ROPN1B: variants seen among roughly 807,000 people sequenced by gnomAD.
The protein encoded by ROPN1B is ropporin-1B.
Under a neutral mutation model 23.7 loss-of-function variants are expected in ROPN1B, and 13 were observed. The ratio of observed to expected loss-of-function variants is 0.55; its 90% CI spans 0.36 to 0.87. The LOEUF is 0.87. Among genes scored for constraint, ROPN1B ranks in the 40% least tolerant of loss-of-function variants. The pLI, the probability that ROPN1B is intolerant of heterozygous loss-of-function variation, is 0.01. For synonymous variants in ROPN1B, 67 were observed against 100.4 expected (o/e 0.67, Z 1.99); for missense variants, 183 against 249.2 (o/e 0.73, Z 1.79).
chr3:125,973,985 G>T (rs2107600598), intron 3 of ROPN1B: 1 of 153,738 alleles, frequency 6.5e-6, no homozygotes, highest in African/African-American at 2.4e-5. Context: ...ACTCAAATTT[G>T]CAATATATGT....
At chr3:125,976,316 T>C (rs549192273) in intron 4 of ROPN1B, among the ~76,000 whole-genome samples, 1 of 152,350 alleles carries the variant, frequency 6.6e-6, no homozygotes, top group African/African-American at 2.4e-5. Flanking sequence ...AGCATTTCAC[T>C]AGAATCAGAC....
intron 1 of ROPN1B, among the ~76,000 whole-genome samples, chr3:125,970,363 C>A (rs1013262342): frequency 3.3e-5 from 5 of 152,142 alleles, no homozygotes; most frequent in Non-Finnish European, 7.4e-5. Flanking sequence ...TCATAGAAAC[C>A]CTCTGAGATT....
At position 125,972,077 on chromosome 3, in the gene ROPN1B, C is replaced by T. The variant is rs762894825; in HGVS notation, c.23C>T (p.Thr8Ile). The change falls in exon 3 of 7, where the codon ACA becomes ATA. Residue 8 changes from threonine (T) to isoleucine (I), a missense_variant. Physicochemically the swap from Thr to Ile is moderately conservative, Grantham distance 89. This residue lies in a region of ROPN1B where 97 missense variants were observed against 99.6 expected (regional missense o/e 0.97). Transcript: ENST00000514116. The stretch of plus-strand genomic sequence containing the variant: ...TCAATGGCTCAGACAGATAAGCCAA[C>T]ATGCATCCCGCCGGAGCTGCCGAAA... The part of the protein sequence containing the change: MAQTDKP[T>I]CIPPELPKML... 1 of 1,614,226 alleles carries T rather than the reference C, an allele frequency of 6.2e-7. No individual in the cohort carries two copies. The highest frequency in any genetic ancestry group is 8.5e-7 in the Non-Finnish European group (1 of 1,180,030).
intron 1 of ROPN1B, chr3:125,970,145 A>G (rs1165597600): frequency 1.3e-5 from 2 of 150,750 alleles, no homozygotes; most frequent in African/African-American, 2.4e-5. Flanking sequence ...AATCACACTA[A>G]GGATAGGTAA....
At chr3:125,974,659 C>G (rs1248867465) in intron 3 of ROPN1B, among the ~76,000 whole-genome samples, 2 of 152,180 alleles carry the variant, frequency 1.3e-5, no homozygotes, top group African/African-American at 4.8e-5. Flanking sequence ...CAGGCAGCCT[C>G]TTTTCATCTT....
intron 5 of ROPN1B, among the ~76,000 whole-genome samples, chr3:125,981,703 G>A (rs1185105170): frequency 6.6e-6 from 1 of 152,110 alleles, no homozygotes; most frequent in Non-Finnish European, 1.5e-5. Context: ...TTAGTATTAC[G>A]TAAAATGAAA....
At chr3:125,972,677 T>C (rs1672544267) in intron 3 of ROPN1B, 1 of 361,588 alleles carries the variant, frequency 2.8e-6, no homozygotes, top group Non-Finnish European at 5.3e-6. Flanking sequence ...TCCCCTGCTG[T>C]TAAAACTCAT....
intron 6 of ROPN1B, 96 bp from the exon 7 acceptor site, chr3:125,983,158 C>A: frequency 2.2e-6 from 2 of 889,458 alleles, no homozygotes; most frequent in Non-Finnish European, 3.7e-6. Flanking sequence ...AAAGGAGCAA[C>A]AGCAGAATTA....
Position 125,983,335 on chromosome 3 carries a change from C to G in ROPN1B, c.*15C>G, listed in dbSNP as rs764280422. ...GGCTGGAGTAACAGCACAATTTTGG[C>G]AATTTTAAAGGAAGATACAGAGGTG... On this transcript the variant is annotated 3_prime_UTR_variant, in exon 7 of 7. Transcript: ENST00000514116. 7 of 1,598,878 alleles carry G rather than the reference C, an allele frequency of 4.4e-6. No homozygotes were observed. The highest frequency in any genetic ancestry group is 6.0e-6 in the Non-Finnish European group (7 of 1,166,408).
intron 5 of ROPN1B, among the ~76,000 whole-genome samples, 192 bp from the exon 6 acceptor site, chr3:125,982,078 C>T (rs1938628007): frequency 6.6e-6 from 1 of 152,086 alleles, no homozygotes; most frequent in African/African-American, 2.4e-5. Context: ...AATAAAGATA[C>T]CCAATACTCA....
intron 2 of ROPN1B, 56 bp from the exon 3 acceptor site, chr3:125,971,987 G>A: frequency 2.0e-6 from 3 of 1,532,140 alleles, no homozygotes; most frequent in Non-Finnish European, 2.7e-6. Context: ...GTCCAGGATT[G>A]CTCTCATCTT....
At chr3:125,969,631 T>C (rs1938118542) in intron 1 of ROPN1B, 1 of 137,956 alleles carries the variant, frequency 7.2e-6, no homozygotes, top group Admixed American at 7.2e-5. Flanking sequence ...AGAATACTAT[T>C]ATACGGTTTC....
intron 3 of ROPN1B, among the ~76,000 whole-genome samples, chr3:125,974,234 C>A (rs1172886941): frequency 1.3e-5 from 2 of 152,158 alleles, no homozygotes; most frequent in Non-Finnish European, 2.9e-5. Flanking sequence ...GAGTCCACAC[C>A]CTGCTCCTGT....
intron 1 of ROPN1B, chr3:125,970,289 C>A (rs555945034): frequency 6.6e-6 from 1 of 152,286 alleles, no homozygotes; most frequent in African/African-American, 2.4e-5. Context: ...CATCCCAAAC[C>A]CACCACCTCC....
rs1456201177 is a variant in ROPN1B at position 125,975,551 on chromosome 3, T to C, written c.117-12T>C. 7 of 1,605,800 alleles carry C rather than the reference T, an allele frequency of 4.4e-6. No individual in the cohort carries two copies. In the South Asian group the frequency reaches 6.7e-5, roughly 15 times the overall value. On this transcript the variant is annotated splice_polypyrimidine_tract_variant and intron_variant, in intron 3 of 6. Transcript: ENST00000514116. ...ATAGGATCCTCCTACTCTCTGACTT[T>C]TTTTCTTGTAGTTATTTTGAGGCCC...
At chr3:125,980,135 T>A (rs1417482239) in intron 5 of ROPN1B, among the ~76,000 whole-genome samples, 2 of 152,170 alleles carry the variant, frequency 1.3e-5, no homozygotes, top group African/African-American at 4.8e-5. Flanking sequence ...GTGAAGTGGA[T>A]CCCCAAAAAA....
chr3:125,976,157 G>A (rs1306149930), intron 4 of ROPN1B, among the ~76,000 whole-genome samples: 1 of 152,212 alleles, frequency 6.6e-6, no homozygotes, highest in Admixed American at 6.5e-5. Context: ...ATGAATGCAT[G>A]AGGAGGGTCC....
intron 5 of ROPN1B, among the ~76,000 whole-genome samples, chr3:125,980,290 G>T (rs9861518): frequency 0.051 from 7,691 of 152,238 alleles, 608 homozygotes; most frequent in African/African-American, 0.17. Flanking sequence ...AATTTGAAGG[G>T]TTATTGTTTG....
At chr3:125,972,555 C>T in intron 3 of ROPN1B, 1 of 429,474 alleles carries the variant, frequency 2.3e-6, no homozygotes, top group Non-Finnish European at 4.2e-6. Flanking sequence ...TTTCTTCATT[C>T]TCCTGTCTCA....
Sources: allele counts gnomAD v4.1 joint callset (sites outside exome capture counted in the v4.1 genomes callset), GRCh38; gene constraint gnomAD v4.1.1; regional missense constraint gnomAD v4.1.1; transcripts MANE v1.5; gene names NCBI Gene and HGNC (gene_info 2026-07-23, HGNC 2026-07-21).